Variants in MUC12 observed in about 807,000 individuals in gnomAD.
The protein encoded by MUC12 is mucin 12, cell surface associated.
MUC12 carries 172 observed loss-of-function variants against 230.8 expected under a neutral mutation model. The ratio of observed to expected loss-of-function variants is 0.75; its 90% CI spans 0.66 to 0.85. The LOEUF is 0.85. Ranked by LOEUF, MUC12 falls within the 40% of genes least tolerant of loss-of-function variation. MUC12 has a pLI of 0.00. For synonymous variants in MUC12, 1,259 were observed against 2,401.9 expected (o/e 0.52, Z 13.91); for missense variants, 3,506 against 5,920.6 (o/e 0.59, Z 13.38).
chr7:100,980,265 T>C (rs950132853), intron 1 of MUC12, among the ~76,000 whole-genome samples: 1 of 152,092 alleles, frequency 6.6e-6, no homozygotes, highest in African/African-American at 2.4e-5. Flanking sequence ...ATGGTCTTGA[T>C]CTCTTGACCT....
chr7:100,970,889 C>T (rs1037442686), intron 1 of MUC12, among the ~76,000 whole-genome samples: 2 of 151,912 alleles, frequency 1.3e-5, no homozygotes, highest in African/African-American at 4.8e-5. Flanking sequence ...CCCAGCTACT[C>T]AAAAGGCTGA....
Position 100,992,017 on chromosome 7 carries a change from C to G in MUC12, c.1454C>G (p.Thr485Arg), listed in dbSNP as rs752551413. The G allele has an allele frequency of 1.3e-6, 2 of 1,537,884 alleles. No individual in the cohort carries two copies. The highest frequency in any genetic ancestry group is 2.7e-5 in the African/African-American group (2 of 73,060). The stretch of plus-strand genomic sequence containing the variant: ...ACCACAGCGTTACCCGGCAGTACCA[C>G]AAAACCAGGCCTCAGTGAGAAATCT... ...METTALPGST[T>R]KPGLSEKSTT... The change falls in exon 2 of 12, where the codon ACA (threonine) becomes AGA (arginine). Residue 485 changes from threonine (T) to arginine (R), a missense_variant. Coordinates refer to ENST00000536621, the MANE Select transcript of MUC12 (RefSeq NM_001164462.2).
chr7:100,977,016 G>A (rs550458000), intron 1 of MUC12, among the ~76,000 whole-genome samples: 36 of 126,618 alleles, frequency 2.8e-4, no homozygotes, highest in Admixed American at 9.6e-4. Context: ...GTGACACTGC[G>A]CTCCAGCCTT....
At chr7:100,980,518 C>T (rs1033542426) in intron 1 of MUC12, among the ~76,000 whole-genome samples, 1 of 152,138 alleles carries the variant, frequency 6.6e-6, no homozygotes, top group African/African-American at 2.4e-5. Context: ...GACATGTGTA[C>T]CTCTGTTTTT....
At chr7:101,017,736 A>ACTCCCTTCTCCCCCTGGGT in intron 11 of MUC12, 73 bp downstream of exon 11, 1 of 976,092 alleles carries the variant, frequency 1.0e-6, no homozygotes. Flanking sequence ...TTCCCCCGGG[A>ACTCCCTTCTCCCCCTGGGT]CTCCCTTCTC....
intron 8 of MUC12, among the ~76,000 whole-genome samples, chr7:101,013,596 T>A (rs1345006221): frequency 6.6e-6 from 1 of 152,176 alleles, no homozygotes; most frequent in Non-Finnish European, 1.5e-5. Flanking sequence ...AAAACCATGA[T>A]AACAGGCCCA....
chr7:101,007,177 T>A (rs1793767497), intron 3 of MUC12, among the ~76,000 whole-genome samples: 1 of 152,220 alleles, frequency 6.6e-6, no homozygotes, highest in Non-Finnish European at 1.5e-5. Flanking sequence ...CAGGCTGGTA[T>A]GGAACTACTG....
At position 100,991,431 on chromosome 7, in the gene MUC12, G is replaced by C; in HGVS notation, c.868G>C (p.Ala290Pro). 6.5e-7 allele frequency: 1 copy of C among 1,537,754 alleles called. No homozygotes were observed. Among genetic ancestry groups the C allele is most frequent in the Non-Finnish European group, 8.7e-7 (1 of 1,147,034 alleles). The change falls in exon 2 of 12, where the codon GCA (alanine) becomes CCA (proline). Residue 290 changes from alanine (A) to proline (P), a missense_variant. By Grantham distance (27) the Ala-to-Pro change is conservative (BLOSUM62 -1). Coordinates refer to ENST00000536621, the MANE Select transcript of MUC12 (RefSeq NM_001164462.2). ...GCCAAGCTCAAAGGACACTTCGCCT[G>C]CACCTTCTGGTACCACATCAGCCTT... is the stretch of plus-strand genomic sequence containing the variant. ...SWPSSKDTSP[A>P]PSGTTSAFVK... is the part of the protein sequence containing the mutation.
chr7:101,005,667 C>A, intron 2 of MUC12, 148 bp downstream of exon 2: 1 of 1,005,546 alleles, frequency 9.9e-7, no homozygotes, highest in Non-Finnish European at 1.4e-6. Flanking sequence ...GGGTTCGATA[C>A]CACTTCCAGT....
rs28463186 is a variant in MUC12 at position 100,995,575 on chromosome 7, A to G, written c.5012A>G (p.His1671Arg). ...TPVHSSTGSP[H>R]TTLSPAGSTT... ...GTCCACAGCAGCACTGGATCGCCAC[A>G]CACAACACTGTCCCCTGCCGGCTCT... The change falls in exon 2 of 12, where the codon CAC becomes CGC. Residue 1671 changes from histidine (H) to arginine (R), a missense_variant. Physicochemically the swap from His to Arg is conservative, Grantham distance 29 (BLOSUM62 0). Coordinates refer to ENST00000536621, the MANE Select transcript of MUC12 (RefSeq NM_001164462.2). 0.72 allele frequency: 1,076,000 copies of G among 1,503,004 alleles called. 381,621 individuals carry two copies. Among genetic ancestry groups the G allele is most frequent in the East Asian group, 0.82 (33,427 of 40,666 alleles). 93.1% of individuals were successfully genotyped at this position (1,503,004 alleles called of 1,614,324 possible).
At chr7:101,015,815 CCGTTCCCT>C in intron 10 of MUC12, 124 bp downstream of exon 10, 1 of 800,496 alleles carries the variant, frequency 1.2e-6, no homozygotes, top group Non-Finnish European at 2.0e-6. Context: ...GACTGACAGC[CCGTTCCCT>C]ACCTGCCGCT....
At chr7:100,971,940 T>C (rs532083888) in intron 1 of MUC12, among the ~76,000 whole-genome samples, 1 of 152,428 alleles carries the variant, frequency 6.6e-6, no homozygotes, top group Admixed American at 6.5e-5. Flanking sequence ...CTCAGGTGCT[T>C]ATAATTGTGT....
Position 101,009,150 on chromosome 7 carries a change from G to A in MUC12, c.15242G>A (p.Arg5081Gln), listed in dbSNP as rs377748854. 2.0e-5 allele frequency: 31 copies of A among 1,537,822 alleles called. No homozygotes were observed. The highest frequency in any genetic ancestry group is 1.7e-4 in the Middle Eastern group (1 of 5,996). Residue 5081 changes from arginine to glutamine, a missense_variant, in exon 5 of 12, where the codon CGG (arginine) becomes CAG (glutamine). Physicochemically the swap from Arg to Gln is conservative, Grantham distance 43 (BLOSUM62 1). Coordinates refer to ENST00000536621, the MANE Select transcript of MUC12 (RefSeq NM_001164462.2). The stretch of plus-strand genomic sequence containing the variant: ...CCTCAGTATAGAGGGGTGAACATTC[G>A]GAGATTGCTGTGAGTATATTGGGGG... Reference protein sequence around the residue: ...NLPQYRGVNIRRLLNGSIVVK... With the variant: ...NLPQYRGVNIQRLLNGSIVVK...
Position 100,991,109 on chromosome 7 carries a change from C to T in MUC12, c.546C>T (p.Asp182=), listed in dbSNP as rs776987015. ...PGPTHTIAFP[D]STTMPGVSQE... is the part of the protein sequence containing the mutation. The stretch of plus-strand genomic sequence containing the variant: ...CAACGCACACAATAGCGTTCCCTGA[C>T]AGTACCACCATGCCAGGCGTCAGTC... The change falls in exon 2 of 12, where the codon GAC becomes GAT. Residue 182 remains aspartate (D), a synonymous_variant. Transcript: ENST00000536621. 6 of 1,537,674 alleles carry T rather than the reference C, an allele frequency of 3.9e-6. No individual in the cohort carries two copies. Among genetic ancestry groups the T allele is most frequent in the Non-Finnish European group, 4.4e-6 (5 of 1,146,874 alleles).
rs767869817 is a variant in MUC12, at chr7:100,991,081, GC to G, written c.521del (p.Pro174GlnfsTer5). ...EKSTTSHSRP[G>X]PTHTIAFPDS... ...TCAACCACCTCCCACAGCCGACCAG[GC>G]CCAACGCACACAATAGCGTTCCCTG... On this transcript the variant is annotated frameshift_variant, in exon 2 of 12. Transcript: ENST00000536621. LOFTEE classifies it high-confidence loss of function. 223 of 1,537,416 alleles carry G rather than the reference GC, an allele frequency of 1.5e-4. No homozygotes were observed. Among genetic ancestry groups the G allele is most frequent in the Non-Finnish European group, 1.8e-4 (211 of 1,146,868 alleles).
chr7:100,992,014 C>A lies in MUC12; in HGVS notation c.1451C>A (p.Thr484Asn). Residue 484 changes from threonine (T) to asparagine (N), a missense_variant, in exon 2 of 12, where the codon ACC (threonine) becomes AAC (asparagine). By Grantham distance (65) the Thr-to-Asn change is moderately conservative (BLOSUM62 0). Transcript: ENST00000536621. ...GAAACCACAGCGTTACCCGGCAGTA[C>A]CACAAAACCAGGCCTCAGTGAGAAA... ...SMETTALPGS[T>N]TKPGLSEKST... The A allele has an allele frequency of 6.5e-7, 1 of 1,537,980 alleles. No homozygotes were observed. Among genetic ancestry groups the A allele is most frequent in the Non-Finnish European group, 8.7e-7 (1 of 1,147,074 alleles).
At chr7:101,009,643 G>A (rs1444821346) in intron 5 of MUC12, among the ~76,000 whole-genome samples, 4 of 152,072 alleles carry the variant, frequency 2.6e-5, no homozygotes, top group African/African-American at 4.8e-5. Flanking sequence ...GACTAGCCTG[G>A]GCAACATAGC....
At chr7:100,985,705 A>G (rs1476785781) in intron 1 of MUC12, among the ~76,000 whole-genome samples, 1 of 152,140 alleles carries the variant, frequency 6.6e-6, no homozygotes, top group Non-Finnish European at 1.5e-5. Context: ...TGGGTGCAGA[A>G]AGGCAGGGTG....
rs1478649929 is a variant in MUC12 at position 100,992,560 on chromosome 7, G to C, written c.1997G>C (p.Ser666Thr). Reference protein sequence around the residue: ...EPSTTSHGSPSSIPTTHISAR... With the variant: ...EPSTTSHGSPTSIPTTHISAR... The stretch of plus-strand genomic sequence containing the variant: ...TCTACAACCTCCCACGGCAGCCCGA[G>C]CTCAATTCCAACAACCCACATTTCT... The change falls in exon 2 of 12, where the codon AGC (serine) becomes ACC (threonine). Residue 666 changes from serine to threonine, a missense_variant. By Grantham distance (58) the Ser-to-Thr change is moderately conservative. Coordinates refer to ENST00000536621, the MANE Select transcript of MUC12 (RefSeq NM_001164462.2). 15 of 1,537,824 alleles carry C rather than the reference G, an allele frequency of 9.8e-6. No homozygotes were observed. Among genetic ancestry groups the C allele is most frequent in the Middle Eastern group, 3.3e-4 (2 of 6,018 alleles).
Sources: gnomAD v4.1 joint callset for allele counts (sites outside exome capture counted in the v4.1 genomes callset) on GRCh38, gnomAD v4.1.1 for gene constraint, MANE v1.5 for transcripts, NCBI Gene and HGNC (gene_info 2026-07-23, HGNC 2026-07-21) for gene names.